Variants in LMBR1 observed in about 807,000 individuals in gnomAD.
LMBR1 encodes the protein limb region 1 protein homolog.
In LMBR1, 52 loss-of-function variants were observed where a neutral mutation model predicts 73.9. The ratio of observed to expected loss-of-function variants is 0.70; its 90% confidence interval spans 0.56 to 0.89. LMBR1 has a LOEUF of 0.89. Among genes scored for constraint, LMBR1 ranks in the 40% least tolerant of loss-of-function variants. The pLI, the probability that LMBR1 is intolerant of heterozygous loss-of-function variation, is 0.00. For synonymous variants in LMBR1, 215 were observed against 209.4 expected (o/e 1.03, Z -0.23); for missense variants, 539 against 579.8 (o/e 0.93, Z 0.72).
intron 15 of LMBR1, among the ~76,000 whole-genome samples, chr7:156,688,399 G>A (rs1412136804): frequency 1.3e-5 from 2 of 151,842 alleles, no homozygotes; most frequent in African/African-American, 2.4e-5. Flanking sequence ...TCACATACAC[G>A]CCACAGTCAC....
chr7:156,864,460 T>C (rs1385037954), intron 1 of LMBR1, among the ~76,000 whole-genome samples: 1 of 152,210 alleles, frequency 6.6e-6, no homozygotes, highest in Non-Finnish European at 1.5e-5. Context: ...TTTAAATTCA[T>C]TCACACTGCA....
At position 156,728,715 on chromosome 7, in the gene LMBR1, G is replaced by C; in HGVS notation, c.844C>G (p.Arg282Gly). Residue 282 changes from arginine to glycine, a missense_variant, in exon 11 of 17, where the codon CGA becomes GGA. This residue lies in a region of LMBR1 where 454 missense variants were observed against 473.4 expected (regional missense o/e 0.96). Coordinates refer to ENST00000353442, the MANE Select transcript of LMBR1 (RefSeq NM_022458.4). ...CTTTCCCATGCTGAAGCCTTTTTTC[G>C]CCTCTCTATTAAAAGGAAAAACAAA... ...VKTLKTKLER[R>G]KKASAWERNL... The C allele has an allele frequency of 6.3e-7, 1 of 1,595,204 alleles. No homozygotes were observed. The highest frequency in any genetic ancestry group is 8.5e-7 in the Non-Finnish European group (1 of 1,173,368).
At chr7:156,750,771 C>T (rs1820728912) in intron 9 of LMBR1, among the ~76,000 whole-genome samples, 2 of 152,248 alleles carry the variant, frequency 1.3e-5, no homozygotes, top group South Asian at 2.1e-4. Flanking sequence ...TAACAAAAAT[C>T]GCTGCCCCAA....
intron 1 of LMBR1, among the ~76,000 whole-genome samples, chr7:156,870,440 C>A (rs1799098626): frequency 1.3e-5 from 2 of 152,094 alleles, no homozygotes; most frequent in African/African-American, 4.8e-5. Context: ...TGAACACCCA[C>A]TGGATTGAAA....
rs553576258 is a variant in LMBR1 at position 156,742,579 on chromosome 7, A to C, written c.758-8322T>G. ...TGAACCACGAAGAAATCTAAAACCTAAACAGACCATTAATAAGTAACGAGA... is the reference window on the plus strand; with the variant it reads ...TGAACCACGAAGAAATCTAAAACCTCAACAGACCATTAATAAGTAACGAGA... On this transcript the variant is annotated intron_variant, in intron 9 of 16. Coordinates refer to ENST00000353442, the MANE Select transcript of LMBR1 (RefSeq NM_022458.4). Among the ~76,000 whole-genome samples, 4 of 152,248 alleles carry C rather than the reference A, an allele frequency of 2.6e-5. No individual in the cohort carries two copies. The East Asian group carries it at 5.8e-4, about 22-fold the overall frequency.
chr7:156,781,673 T>C (rs757009017), intron 5 of LMBR1, among the ~76,000 whole-genome samples: 2 of 152,172 alleles, frequency 1.3e-5, no homozygotes, highest in Non-Finnish European at 2.9e-5. Context: ...TTTACATGTC[T>C]ATTAAATACC....
intron 5 of LMBR1, among the ~76,000 whole-genome samples, chr7:156,794,443 T>C (rs1258641218): frequency 1.4e-4 from 21 of 152,214 alleles, no homozygotes; most frequent in Admixed American, 6.5e-5. Flanking sequence ...CTGGGATTTT[T>C]TGTCATTTTT....
chr7:156,798,897 T>C (rs1238355381), intron 4 of LMBR1, among the ~76,000 whole-genome samples: 2 of 152,058 alleles, frequency 1.3e-5, no homozygotes. Context: ...AAAACATTTT[T>C]AAAAGTTATC....
chr7:156,787,213 C>T (rs1029696988), intron 5 of LMBR1, among the ~76,000 whole-genome samples: 1 of 152,126 alleles, frequency 6.6e-6, no homozygotes, highest in Non-Finnish European at 1.5e-5. Flanking sequence ...CCTCATTTTT[C>T]CCAAACTAAA....
chr7:156,801,714 T>A (rs1831009254), intron 4 of LMBR1, among the ~76,000 whole-genome samples: 1 of 152,102 alleles, frequency 6.6e-6, no homozygotes, highest in Admixed American at 6.5e-5. Flanking sequence ...GTATTTTTTG[T>A]AGAGATGAGG....
intron 1 of LMBR1, among the ~76,000 whole-genome samples, chr7:156,879,420 T>A (rs1468196857): frequency 1.3e-5 from 2 of 151,928 alleles, no homozygotes; most frequent in East Asian, 3.9e-4. Context: ...ATCCCAGCAC[T>A]TTGGGAGGCC....
downstream of LMBR1, chr7:156,677,767 T>C (rs1463053414): frequency 6.6e-6 from 1 of 152,258 alleles, no homozygotes; most frequent in Non-Finnish European, 1.5e-5. Context: ...TATGAATAAA[T>C]ATGCATATAT....
At chr7:156,812,305 T>G (rs1262871813) in intron 4 of LMBR1, among the ~76,000 whole-genome samples, 3 of 151,622 alleles carry the variant, frequency 2.0e-5, no homozygotes, top group Non-Finnish European at 4.4e-5. Context: ...TTTCATGTGA[T>G]TTTTAAACAC....
At chr7:156,787,617 G>A (rs944787435) in intron 5 of LMBR1, among the ~76,000 whole-genome samples, 1 of 152,070 alleles carries the variant, frequency 6.6e-6, no homozygotes, top group Non-Finnish European at 1.5e-5. Flanking sequence ...CTAAAACCCT[G>A]ATTTATTTTT....
At chr7:156,746,190 T>G (rs1819823178) in intron 9 of LMBR1, among the ~76,000 whole-genome samples, 3 of 152,208 alleles carry the variant, frequency 2.0e-5, no homozygotes, top group Admixed American at 2.0e-4. Flanking sequence ...CTTTATCAAT[T>G]AAACTGTGTA....
chr7:156,734,569 C>T (rs1420808560), intron 9 of LMBR1, among the ~76,000 whole-genome samples: 1 of 152,114 alleles, frequency 6.6e-6, no homozygotes, highest in South Asian at 2.1e-4. Context: ...GTGATGGGTA[C>T]ATTAAAATCT....
intron 4 of LMBR1, among the ~76,000 whole-genome samples, chr7:156,798,215 A>C (rs1319195170): frequency 1.3e-5 from 2 of 152,236 alleles, no homozygotes; most frequent in Non-Finnish European, 1.5e-5. Context: ...GGTAAGCATT[A>C]AATAATGCAC....
intron 5 of LMBR1, among the ~76,000 whole-genome samples, chr7:156,786,084 G>A (rs1828018798): frequency 6.6e-6 from 1 of 151,730 alleles, no homozygotes; most frequent in Non-Finnish European, 1.5e-5. Flanking sequence ...TCCAAGGAAA[G>A]GTATAGATGG....
rs1017883736 is a variant in LMBR1, at chr7:156,685,848, T to C, written c.1388-1685A>G. 6.6e-5 allele frequency among the ~76,000 whole-genome samples: 10 copies of C among 152,214 alleles called. No homozygotes were observed. The highest frequency in any genetic ancestry group is 2.4e-4 in the African/African-American group (10 of 41,456). ...GGAAAAGATTTTTCTCCCTAAAATT[T>C]CACATGGTAACTGACCTATTAGGCA... On this transcript the variant is annotated intron_variant, in intron 16 of 16. Coordinates refer to ENST00000353442, the MANE Select transcript of LMBR1 (RefSeq NM_022458.4). The surrounding 1 kb of genome is among the most constrained non-coding windows in gnomAD (Gnocchi z 4.1).
Sources: allele counts gnomAD v4.1 joint callset (sites outside exome capture counted in the v4.1 genomes callset), GRCh38; gene constraint gnomAD v4.1.1; regional missense constraint gnomAD v4.1.1; non-coding constraint Gnocchi (gnomAD v3.1); transcripts MANE v1.5; gene names NCBI Gene and HGNC (gene_info 2026-07-23, HGNC 2026-07-21).